The following DAPK1 variants were observed in gnomAD, a reference collection of about 807,000 sequenced individuals.
DAPK1 encodes death-associated protein kinase 1.
DAPK1 carries 56 observed loss-of-function variants against 144.9 expected under a neutral mutation model. The observed-to-expected ratio is 0.39, with a 90% CI of 0.31 to 0.48. The LOEUF is 0.48. Among genes scored for constraint, DAPK1 ranks in the 20% least tolerant of loss-of-function variants. The pLI is 0.95. For synonymous variants in DAPK1, 690 were observed against 749.0 expected (o/e 0.92, Z 1.29); for missense variants, 1,454 against 1,875.4 (o/e 0.78, Z 4.15).
At chr9:87,703,242 G>A (rs746894697) in intron 25 of DAPK1, 25 bp downstream of exon 25, 3 of 1,473,346 alleles carry the variant, frequency 2.0e-6, no homozygotes, top group South Asian at 2.3e-5. Context: ...GCCCAGGCAG[G>A]GGGCCGTGAG....
intron 2 of DAPK1, among the ~76,000 whole-genome samples, chr9:87,602,136 G>A (rs1361975125): frequency 1.3e-5 from 2 of 152,190 alleles, no homozygotes; most frequent in Non-Finnish European, 2.9e-5. Context: ...TAGATTGTTA[G>A]GGGTGTCAGG....
intron 17 of DAPK1, among the ~76,000 whole-genome samples, chr9:87,656,376 CTCTGCCCTTT>C (rs553166159): frequency 6.6e-6 from 1 of 152,244 alleles, no homozygotes; most frequent in South Asian, 2.1e-4. Flanking sequence ...TGGCCGTTTC[CTCTGCCCTTT>C]TCTTCATCAC....
At chr9:87,555,970 T>G (rs10512187) in intron 2 of DAPK1, among the ~76,000 whole-genome samples, 1 of 152,072 alleles carries the variant, frequency 6.6e-6, no homozygotes. Context: ...GTACGTGTTG[T>G]CAGTAGCTTC....
chr9:87,518,845 A>G (rs973682338), intron 2 of DAPK1, among the ~76,000 whole-genome samples: 3 of 152,100 alleles, frequency 2.0e-5, no homozygotes, highest in African/African-American at 7.2e-5. Flanking sequence ...ATGTTAGATG[A>G]ACTTCCACCC....
chr9:87,639,813 C>A lies in DAPK1; in HGVS notation c.627C>A (p.Ile209=). The A allele has an allele frequency of 4.3e-6, 7 of 1,613,274 alleles. No homozygotes were observed. The highest frequency in any genetic ancestry group is 5.9e-6 in the Non-Finnish European group (7 of 1,179,434). ...DMWSIGVITY[I]LLSGASPFLG... Reference sequence around the variant, plus strand: ...GGAGTATCGGGGTAATAACCTATATCCTGTAAGTATCAGAATTCACAACTC... The same window carrying A: ...GGAGTATCGGGGTAATAACCTATATACTGTAAGTATCAGAATTCACAACTC... Residue 209 remains isoleucine (I), a splice_region_variant and synonymous_variant, in exon 7 of 26, where the codon ATC becomes ATA. Transcript: ENST00000408954.
rs2119336005 is a variant in DAPK1 at position 87,681,603 on chromosome 9, C to T, written c.2201C>T (p.Ser734Leu). The T allele has an allele frequency of 6.2e-7, 1 of 1,601,336 alleles. No individual in the cohort carries two copies. Among genetic ancestry groups the T allele is most frequent in the Non-Finnish European group, 8.6e-7 (1 of 1,168,198 alleles). ...SSTNSSRFPP[S>L]PLASKPTVSV... The stretch of plus-strand genomic sequence containing the variant: ...ACCAACTCCAGCAGGTTCCCACCTT[C>T]ACCCCTGGCTTCTAAGCCCACAGGT... The change falls in exon 20 of 26, where the codon TCA (serine) becomes TTA (leucine). Residue 734 changes from serine (S) to leucine (L), a missense_variant. Around this residue, in one of 2 missense-constraint regions of DAPK1, gnomAD observed 1,025 missense variants for 1,237.9 expected, o/e 0.83. Coordinates refer to ENST00000408954, the MANE Select transcript of DAPK1 (RefSeq NM_004938.4).
At chr9:87,522,752 A>G (rs1825346604) in intron 2 of DAPK1, among the ~76,000 whole-genome samples, 2 of 152,248 alleles carry the variant, frequency 1.3e-5, no homozygotes, top group African/African-American at 4.8e-5. Context: ...CAGCCCAACT[A>G]CAAGAGAAAG....
intron 2 of DAPK1, chr9:87,507,004 A>G (rs1415282952): frequency 6.6e-6 from 1 of 152,252 alleles, no homozygotes; most frequent in African/African-American, 2.4e-5. Context: ...CTAAAACCTA[A>G]AATAGTTGTG....
rs574424464 is a variant in DAPK1, at chr9:87,648,946, C to T, written c.1428+67C>T. ...TGAATGTACAGGCAGCCAGATGGTACAGTCGGGGCCTTTAGAGTTTTATCC... is the reference window on the plus strand; with the variant it reads ...TGAATGTACAGGCAGCCAGATGGTATAGTCGGGGCCTTTAGAGTTTTATCC... On this transcript the variant is annotated intron_variant, in intron 15 of 25. Coordinates refer to ENST00000408954, the MANE Select transcript of DAPK1 (RefSeq NM_004938.4). The T allele has an allele frequency of 3.7e-6, 5 of 1,357,970 alleles. No individual in the cohort carries two copies. In the African/African-American group the frequency reaches 4.3e-5, roughly 12 times the overall value. The allele number at this position is 1,357,970 out of a possible 1,614,324, so 84.1% of individuals were successfully genotyped here. A position where few individuals can be genotyped will look rare whatever the true frequency, so the allele number is the denominator to read the frequency against.
chr9:87,566,634 T>A (rs1827136568), intron 2 of DAPK1, among the ~76,000 whole-genome samples: 1 of 152,200 alleles, frequency 6.6e-6, no homozygotes, highest in South Asian at 2.1e-4. Flanking sequence ...TAGTGATGGC[T>A]ACAGAACTAG....
At chr9:87,647,646 T>C (rs571505283) in intron 14 of DAPK1, among the ~76,000 whole-genome samples, 2 of 152,308 alleles carry the variant, frequency 1.3e-5, no homozygotes, top group South Asian at 4.1e-4. Flanking sequence ...ATAATCCCCA[T>C]AACATAAAAA....
At chr9:87,606,896 C>T (rs1828750525) in intron 3 of DAPK1, among the ~76,000 whole-genome samples, 1 of 150,684 alleles carries the variant, frequency 6.6e-6, no homozygotes, top group African/African-American at 2.4e-5. Flanking sequence ...AATCACTCTT[C>T]CTTCAGGCTG....
intron 2 of DAPK1, among the ~76,000 whole-genome samples, chr9:87,597,839 C>T (rs980853995): frequency 3.3e-5 from 5 of 152,138 alleles, no homozygotes; most frequent in Non-Finnish European, 7.4e-5. Flanking sequence ...CACTGTTCCT[C>T]CTCTCGGAAA....
intron 25 of DAPK1, among the ~76,000 whole-genome samples, chr9:87,704,345 C>T (rs971819072): frequency 3.3e-5 from 5 of 152,206 alleles, no homozygotes; most frequent in African/African-American, 1.2e-4. Context: ...TAGATCATAT[C>T]ATATAGTCTC....
At chr9:87,649,689 A>T (rs1009566720) in intron 15 of DAPK1, among the ~76,000 whole-genome samples, 2 of 152,308 alleles carry the variant, frequency 1.3e-5, no homozygotes, top group East Asian at 3.9e-4. Flanking sequence ...ACAAGTGTTG[A>T]GGAAGGAAAA....
At chr9:87,660,218 G>C (rs1353277824) in intron 18 of DAPK1, among the ~76,000 whole-genome samples, 3 of 152,068 alleles carry the variant, frequency 2.0e-5, no homozygotes, top group Admixed American at 2.0e-4. Context: ...AGCAGAGCTT[G>C]GTGGGCCCGG....
chr9:87,542,141 T>C (rs1826078670), intron 2 of DAPK1, among the ~76,000 whole-genome samples: 1 of 152,190 alleles, frequency 6.6e-6, no homozygotes, highest in Non-Finnish European at 1.5e-5. Flanking sequence ...ATCTGTACCT[T>C]TAGGACTTCA....
chr9:87,532,438 G>C (rs1271822784), intron 2 of DAPK1, among the ~76,000 whole-genome samples: 1 of 152,162 alleles, frequency 6.6e-6, no homozygotes, highest in African/African-American at 2.4e-5. Context: ...TCAAACCTGA[G>C]AATATTTATC....
At chr9:87,697,326 G>T in intron 22 of DAPK1, 122 bp downstream of exon 22, 1 of 647,710 alleles carries the variant, frequency 1.5e-6, no homozygotes, top group Non-Finnish European at 2.8e-6. Flanking sequence ...CAGGCCATGA[G>T]CAGATCCCAC....
Sources: allele counts gnomAD v4.1 joint callset (sites outside exome capture counted in the v4.1 genomes callset), GRCh38; gene constraint gnomAD v4.1.1; regional missense constraint gnomAD v4.1.1; transcripts MANE v1.5; gene names NCBI Gene and HGNC (gene_info 2026-07-23, HGNC 2026-07-21).